PPARGC1A: variants seen among roughly 807,000 people sequenced by gnomAD.
PPARGC1A encodes the protein PPARG coactivator 1 alpha, also known as peroxisome proliferator-activated receptor gamma coactivator 1-alpha.
A neutral mutation model predicts 88.7 loss-of-function variants in PPARGC1A; 25 were observed. The ratio of observed to expected loss-of-function variants is 0.28; its 90% CI spans 0.21 to 0.39. The LOEUF (loss-of-function observed/expected upper bound fraction) is 0.39. PPARGC1A is among the 10% of genes least tolerant of loss of function. PPARGC1A has a pLI of 1.00. For missense variants in PPARGC1A, 880 were observed against 968.7 expected (o/e 0.91, Z 1.22); for synonymous variants, 363 against 355.6 (o/e 1.02, Z -0.24).
the PPARGC1A span, among the ~76,000 whole-genome samples, chr4:23,939,915 GA>G: frequency 6.6e-6 from 1 of 151,860 alleles, no homozygotes; most frequent in Non-Finnish European, 1.5e-5. Context: ...CAACCACAAG[GA>G]AAAAAGGTCA....
the PPARGC1A span, among the ~76,000 whole-genome samples, chr4:24,363,340 T>C: frequency 6.6e-6 from 1 of 152,222 alleles, no homozygotes; most frequent in South Asian, 2.1e-4. Flanking sequence ...CAGCTTGAAG[T>C]AATTGTATCA....
chr4:24,344,100 C>G, the PPARGC1A span, among the ~76,000 whole-genome samples: 1 of 12,474 alleles, frequency 8.0e-5, no homozygotes, highest in Non-Finnish European at 2.6e-4. Context: ...GTGTAGTATT[C>G]CATTATATAT....
the PPARGC1A span, among the ~76,000 whole-genome samples, chr4:24,002,097 C>CAGAGAGAGAGAGAG: frequency 5.9e-4 from 74 of 125,378 alleles, no homozygotes; most frequent in Middle Eastern, 4.0e-3. Flanking sequence ...CACACACACA[C>CAGAGAGAGAGAGAG]AGAGAGAGAG....
intron 2 of PPARGC1A, among the ~76,000 whole-genome samples, chr4:23,841,623 G>A (rs949304848): frequency 6.6e-6 from 1 of 151,926 alleles, no homozygotes; most frequent in Admixed American, 6.6e-5. Flanking sequence ...CTTGAGAACT[G>A]AGGGTGAATA....
chr4:24,227,984 G>A, the PPARGC1A span, among the ~76,000 whole-genome samples: 98 of 152,304 alleles, frequency 6.4e-4, no homozygotes, highest in African/African-American at 2.2e-3. Context: ...GATTATAGTG[G>A]AGGAATGGAG....
At chr4:23,872,435 C>T (rs1382077143) in intron 2 of PPARGC1A, among the ~76,000 whole-genome samples, 1 of 152,068 alleles carries the variant, frequency 6.6e-6, no homozygotes, top group African/African-American at 2.4e-5. Context: ...TCCCACTGCC[C>T]TGCATTTGTT....
At chr4:24,182,954 CA>C in the PPARGC1A span, among the ~76,000 whole-genome samples, 1 of 152,152 alleles carries the variant, frequency 6.6e-6, no homozygotes, top group South Asian at 2.1e-4. Context: ...CCTTTGCCCA[CA>C]ATAAGCTTCC....
At chr4:24,044,522 A>G in the PPARGC1A span, among the ~76,000 whole-genome samples, 66 of 149,850 alleles carry the variant, frequency 4.4e-4, no homozygotes, top group African/African-American at 1.5e-3. Flanking sequence ...CATGCTTCCT[A>G]ACTACCCACC....
the PPARGC1A span, among the ~76,000 whole-genome samples, chr4:24,000,312 A>G: frequency 1.3e-5 from 2 of 152,060 alleles, no homozygotes; most frequent in African/African-American, 4.8e-5. Context: ...AGATGTTAAC[A>G]CCTTCTGTTG....
the PPARGC1A span, among the ~76,000 whole-genome samples, chr4:23,968,872 A>G: frequency 4.6e-5 from 7 of 152,098 alleles, no homozygotes; most frequent in Admixed American, 3.9e-4. Context: ...AGATCACACC[A>G]TTGCACTCCA....
chr4:24,450,103 G>T, the PPARGC1A span, among the ~76,000 whole-genome samples: 1 of 152,194 alleles, frequency 6.6e-6, no homozygotes. Context: ...CACCAACATG[G>T]TCTGTGGGAA....
At chr4:23,960,441 C>G in the PPARGC1A span, among the ~76,000 whole-genome samples, 5 of 152,016 alleles carry the variant, frequency 3.3e-5, no homozygotes, top group Non-Finnish European at 7.4e-5. Flanking sequence ...CTAGAACATA[C>G]AAAAGTAGGT....
the PPARGC1A span, among the ~76,000 whole-genome samples, chr4:24,089,510 C>CTTT: frequency 0.03 from 1,024 of 33,738 alleles, 31 homozygotes; most frequent in African/African-American, 0.065. Context: ...CTTTTCTTTT[C>CTTT]TTTCTTTTTT....
the PPARGC1A span, among the ~76,000 whole-genome samples, chr4:24,095,115 C>CTTTTTT: frequency 8.2e-6 from 1 of 122,406 alleles, no homozygotes. Context: ...GAAATAGGGT[C>CTTTTTT]TTTTTTTTTT....
chr4:24,443,886 A>G, the PPARGC1A span, among the ~76,000 whole-genome samples: 1 of 152,026 alleles, frequency 6.6e-6, no homozygotes, highest in African/African-American at 2.4e-5. Flanking sequence ...AGGAATTACC[A>G]CAGCCAGATT....
chr4:24,252,005 A>C, the PPARGC1A span, among the ~76,000 whole-genome samples: 1 of 152,136 alleles, frequency 6.6e-6, no homozygotes, highest in African/African-American at 2.4e-5. Flanking sequence ...TATTATTACT[A>C]ATAATACTTT....
chr4:23,896,218 A>C (rs1718586413), intron 1 of PPARGC1A, among the ~76,000 whole-genome samples: 1 of 152,096 alleles, frequency 6.6e-6, no homozygotes, highest in East Asian at 1.9e-4. Context: ...AGTACTTTTT[A>C]CGTTCCTTTA....
At chr4:24,018,998 G>T in the PPARGC1A span, among the ~76,000 whole-genome samples, 139,059 of 152,248 alleles carry the variant, frequency 0.91, 63,630 homozygotes, top group Admixed American at 0.95. Context: ...TTTATGCTCA[G>T]CATATTTGAA....
At chr4:24,147,836 T>C in the PPARGC1A span, among the ~76,000 whole-genome samples, 6 of 152,060 alleles carry the variant, frequency 3.9e-5, no homozygotes, top group Admixed American at 6.6e-5. Flanking sequence ...CCCAGCTACA[T>C]GGGAGGCTGA....
Sources: gnomAD v4.1 joint callset for allele counts (sites outside exome capture counted in the v4.1 genomes callset) on GRCh38, gnomAD v4.1.1 for gene constraint, MANE v1.5 for transcripts, NCBI Gene and HGNC (gene_info 2026-07-23, HGNC 2026-07-21) for gene names.